Variants in CCNJL observed in about 807,000 individuals in gnomAD.
CCNJL encodes cyclin J like.
Under a neutral mutation model 33.4 loss-of-function variants are expected in CCNJL, and 33 were observed. The ratio of observed to expected loss-of-function variants is 0.99; its 90% CI spans 0.75 to 1.32. The LOEUF is 1.32. CCNJL is among the 40% of genes most tolerant of loss of function. The pLI, the probability that CCNJL is intolerant of heterozygous loss-of-function variation, is 0.00. For missense variants in CCNJL, 512 were observed against 499.7 expected, an observed-to-expected ratio of 1.02 and a Z score of -0.23; for synonymous variants, 227 against 220.9, an observed-to-expected ratio of 1.03 and a Z score of -0.24.
At chr5:160,255,771 C>G (rs773194218) in intron 4 of CCNJL, 63 bp from the exon 5 acceptor site, 590 of 1,429,006 alleles carry the variant, frequency 4.1e-4, no homozygotes, top group Non-Finnish European at 5.2e-4. Flanking sequence ...CAGGCCCACC[C>G]TGAGAATGGA....
chr5:160,256,061 G>GT (rs1232030339), intron 4 of CCNJL, among the ~76,000 whole-genome samples: 1 of 152,052 alleles, frequency 6.6e-6, no homozygotes, highest in Non-Finnish European at 1.5e-5. Flanking sequence ...GCTAATTTTC[G>GT]TATTTTTTTG....
At chr5:160,321,008 CTCTCTCTTTCTTTCT>C (rs1763447991) in intron 1 of CCNJL, among the ~76,000 whole-genome samples, 3 of 100,114 alleles carry the variant, frequency 3.0e-5, no homozygotes, top group African/African-American at 1.9e-4. Flanking sequence ...CTCTCTCTCT[CTCTCTCTTTCTTTCT>C]TTCTTTCTTT....
intron 3 of CCNJL, among the ~76,000 whole-genome samples, chr5:160,272,105 A>G (rs12658758): frequency 0.3 from 46,296 of 152,084 alleles, 7,605 homozygotes; most frequent in East Asian, 0.5. Context: ...GAGCTGATGT[A>G]TTTAACTTCT....
Position 160,249,139 on chromosome 5 carries a change from A to T in CCNJL, c.*4239T>A, listed in dbSNP as rs541440536. The stretch of plus-strand genomic sequence containing the variant: ...TTTTTGCCTAGTGTATTTCATGAGG[A>T]GGTCAGCTCATTTGCTCCCATTTGA... On this transcript the variant is annotated 3_prime_UTR_variant, in exon 6 of 6. Coordinates refer to ENST00000257536, the MANE Select transcript of CCNJL (RefSeq NM_001308173.3). The T allele has an allele frequency of 9.2e-5, 14 of 152,324 alleles. No individual in the cohort carries two copies. Among genetic ancestry groups the T allele is most frequent in the African/African-American group, 2.9e-4 (12 of 41,582 alleles). 9.4% of individuals were successfully genotyped at this position (152,324 alleles called of 1,614,324 possible).
chr5:160,289,670 A>T (rs376225228), intron 2 of CCNJL, among the ~76,000 whole-genome samples: 3 of 152,250 alleles, frequency 2.0e-5, no homozygotes, highest in East Asian at 1.9e-4. Flanking sequence ...GAAAAGGCCA[A>T]GGACTCATGA....
In CCNJL at chr5:160,253,626, A is replaced by G; in HGVS notation, c.916T>C (p.Cys306Arg). 6.2e-7 allele frequency: 1 copy of G among 1,613,306 alleles called. No individual in the cohort carries two copies. Among genetic ancestry groups the G allele is most frequent in the Non-Finnish European group, 8.5e-7 (1 of 1,179,622 alleles). ...TGCAAGGAGTCCCGATAGGCCAAGC[A>G]TAGGTCCTGCACGGGGGTCTGGAAC... is the stretch of plus-strand genomic sequence containing the variant. ...AQFQTPVQDL[C>R]LAYRDSLQAH... Residue 306 changes from cysteine (C) to arginine (R), a missense_variant, in exon 6 of 6, where the codon TGC (cysteine) becomes CGC (arginine). Coordinates refer to ENST00000257536, the MANE Select transcript of CCNJL (RefSeq NM_001308173.3).
intron 1 of CCNJL, among the ~76,000 whole-genome samples, chr5:160,333,448 A>G (rs1020225237): frequency 1.4e-4 from 21 of 152,098 alleles, no homozygotes; most frequent in African/African-American, 5.1e-4. Flanking sequence ...AAAAGTAGCC[A>G]GGCATGGCAG....
intron 2 of CCNJL, among the ~76,000 whole-genome samples, chr5:160,305,894 A>T (rs1224203280): frequency 1.3e-5 from 2 of 152,230 alleles, no homozygotes; most frequent in Non-Finnish European, 2.9e-5. Context: ...CATTATCAAC[A>T]CTAAACGAAA....
chr5:160,253,642 G>A lies in CCNJL; in HGVS notation c.900C>T (p.Thr300=). The change falls in exon 6 of 6, where the codon ACC becomes ACT. Residue 300 remains threonine, a synonymous_variant. Coordinates refer to ENST00000257536, the MANE Select transcript of CCNJL (RefSeq NM_001308173.3). The stretch of plus-strand genomic sequence containing the variant: ...AGGCCAAGCATAGGTCCTGCACGGG[G>A]GTCTGGAACTGTGCCAGGGTGGTCG... ...QPATTLAQFQ[T]PVQDLCLAYR... 6.2e-7 allele frequency: 1 copy of A among 1,612,482 alleles called. No individual in the cohort carries two copies. The highest frequency in any genetic ancestry group is 1.1e-5 in the South Asian group (1 of 90,872).
At chr5:160,329,355 T>TA (rs1208957744) in intron 1 of CCNJL, among the ~76,000 whole-genome samples, 1 of 150,440 alleles carries the variant, frequency 6.6e-6, no homozygotes, top group East Asian at 1.9e-4. Flanking sequence ...GTCTTCTTTT[T>TA]TTTTTTTTTT....
intron 4 of CCNJL, among the ~76,000 whole-genome samples, chr5:160,259,175 C>G (rs1485739094): frequency 6.6e-6 from 1 of 152,174 alleles, no homozygotes; most frequent in Non-Finnish European, 1.5e-5. Flanking sequence ...CAAATCTGTG[C>G]TATTTAATTC....
At chr5:160,317,227 G>A (rs1763390102), upstream of CCNJL, among the ~76,000 whole-genome samples, 1 of 152,180 alleles carries the variant, frequency 6.6e-6, no homozygotes, top group Admixed American at 6.5e-5. Flanking sequence ...TGAGATATGA[G>A]TCGGCAGATT....
intron 1 of CCNJL, among the ~76,000 whole-genome samples, chr5:160,320,829 CTTTCTTTCTTTCTTTCTTTCCTTCT>C (rs1561812456): frequency 2.8e-4 from 33 of 119,744 alleles, no homozygotes; most frequent in African/African-American, 2.9e-4. Context: ...TTCTTTCTTT[CTTTCTTTCTTTCTTTCTTTCCTTCT>C]TTCTTTCTTT....
intron 1 of CCNJL, chr5:160,326,676 C>T: frequency 1.2e-6 from 1 of 851,240 alleles, no homozygotes; most frequent in South Asian, 1.3e-5. Context: ...TGGGTGTGCT[C>T]TTTGTGAAAT....
upstream of CCNJL, among the ~76,000 whole-genome samples, chr5:160,316,330 C>T (rs187612611): frequency 1.2e-4 from 19 of 152,276 alleles, no homozygotes; most frequent in Admixed American, 4.6e-4. Flanking sequence ...GTTACCATCC[C>T]TCCACCCTCA....
intron 2 of CCNJL, among the ~76,000 whole-genome samples, chr5:160,293,748 T>C (rs1762661067): frequency 6.6e-6 from 1 of 152,038 alleles, no homozygotes; most frequent in South Asian, 2.1e-4. Flanking sequence ...GGCACAGAAG[T>C]ATAACTGCCA....
chr5:160,258,589 T>C (rs938368252), intron 4 of CCNJL: 1 of 1,436,728 alleles, frequency 7.0e-7, no homozygotes, highest in Non-Finnish European at 9.8e-7. Context: ...AAAGAGGTAA[T>C]CATGTAGTTG....
intron 3 of CCNJL, among the ~76,000 whole-genome samples, chr5:160,274,274 C>G (rs566520318): frequency 6.6e-6 from 1 of 151,950 alleles, no homozygotes; most frequent in Non-Finnish European, 1.5e-5. Context: ...GCCTGGCCAA[C>G]ATGGTGAAAC....
In CCNJL at chr5:160,255,548, C is replaced by A; in HGVS notation, c.743+1G>T. 6.2e-7 allele frequency: 1 copy of A among 1,613,972 alleles called. No individual in the cohort carries two copies. The highest frequency in any genetic ancestry group is 1.1e-5 in the South Asian group (1 of 91,052). Reference sequence around the variant, plus strand: ...ACACAGGATTCAGGGGAGAAACTTACACCAGCAGGATTTCAATACACGTGC... The same window carrying A: ...ACACAGGATTCAGGGGAGAAACTTAAACCAGCAGGATTTCAATACACGTGC... On this transcript the variant is annotated splice_donor_variant, in intron 5 of 5. Coordinates refer to ENST00000257536, the MANE Select transcript of CCNJL (RefSeq NM_001308173.3). LOFTEE classifies it high-confidence loss of function.
Sources: allele counts gnomAD v4.1 joint callset (sites outside exome capture counted in the v4.1 genomes callset), GRCh38; gene constraint gnomAD v4.1.1; transcripts MANE v1.5; gene names NCBI Gene and HGNC (gene_info 2026-07-23, HGNC 2026-07-21).